BMPR1A: variants seen among roughly 807,000 people sequenced by gnomAD.
The protein encoded by BMPR1A is bone morphogenetic protein receptor type 1A, also known as bone morphogenetic protein receptor type-1A.
A neutral mutation model predicts 66.0 loss-of-function variants in BMPR1A; 7 were observed. The ratio of observed to expected loss-of-function variants is 0.11; its 90% CI spans 0.06 to 0.20. The LOEUF (loss-of-function observed/expected upper bound fraction) is 0.20. Among genes scored for constraint, BMPR1A ranks in the 10% least tolerant of loss-of-function variants. The pLI is 1.00. For synonymous variants in BMPR1A, 200 were observed against 229.7 expected (o/e 0.87, Z 1.17); for missense variants, 408 against 669.1 (o/e 0.61, Z 4.31).
At chr10:86,794,916 A>G (rs1456001367) in intron 1 of BMPR1A, among the ~76,000 whole-genome samples, 1 of 151,480 alleles carries the variant, frequency 6.6e-6, no homozygotes, top group Non-Finnish European at 1.5e-5. Context: ...CAATGGTGCC[A>G]TCTTGACTCA....
intron 1 of BMPR1A, among the ~76,000 whole-genome samples, chr10:86,833,861 G>T (rs749067350): frequency 2.0e-5 from 3 of 152,110 alleles, no homozygotes; most frequent in East Asian, 3.8e-4. Flanking sequence ...AACAGTAAAA[G>T]AATTTAATAT....
At chr10:86,801,080 AC>A (rs1439299536) in intron 1 of BMPR1A, among the ~76,000 whole-genome samples, 15 of 152,360 alleles carry the variant, frequency 9.8e-5, no homozygotes, top group Admixed American at 3.9e-4. Flanking sequence ...GACAATGTGT[AC>A]TAAAATGCTG....
At chr10:86,900,771 C>A (rs1843297558) in intron 7 of BMPR1A, among the ~76,000 whole-genome samples, 1 of 152,152 alleles carries the variant, frequency 6.6e-6, no homozygotes, top group Non-Finnish European at 1.5e-5. Context: ...TGTTTTGGGT[C>A]TTTCTAGATA....
intron 2 of BMPR1A, among the ~76,000 whole-genome samples, chr10:86,862,055 T>C (rs562360486): frequency 1.3e-5 from 2 of 152,298 alleles, no homozygotes; most frequent in South Asian, 2.1e-4. Flanking sequence ...GCTAAAAATA[T>C]AAAGTGAGTG....
chr10:86,791,715 TCCTTCCTTCCTTCCTTCCCTCCCTCCCTC>T (rs1841627024), intron 1 of BMPR1A, among the ~76,000 whole-genome samples: 3 of 37,698 alleles, frequency 8.0e-5, no homozygotes, highest in East Asian at 2.8e-3. Context: ...CTCCCTCCCT[TCCTTCCTTCCTTCCTTCCCTCCCTCCCTC>T]CCTCTTGCTC....
chr10:86,877,330 C>T (rs369677833), intron 3 of BMPR1A, among the ~76,000 whole-genome samples: 2 of 151,828 alleles, frequency 1.3e-5, no homozygotes, highest in African/African-American at 2.4e-5. Context: ...GCCTCAGCCT[C>T]CCGAGTAGCT....
At chr10:86,889,873 G>C in intron 3 of BMPR1A, 189 bp from the exon 4 acceptor site, 1 of 654,256 alleles carries the variant, frequency 1.5e-6, no homozygotes, top group Non-Finnish European at 2.6e-6. Flanking sequence ...CGCAATACCT[G>C]GTGCAGTAAT....
At chr10:86,893,939 A>C (rs190732129) in intron 5 of BMPR1A, among the ~76,000 whole-genome samples, 335 of 152,304 alleles carry the variant, frequency 2.2e-3, no homozygotes, top group African/African-American at 7.7e-3. Context: ...AACAAACCTA[A>C]TCTCTCTTTA....
chr10:86,824,083 G>T (rs1184872109), intron 1 of BMPR1A, among the ~76,000 whole-genome samples: 2 of 125,562 alleles, frequency 1.6e-5, no homozygotes, highest in African/African-American at 3.8e-5. Flanking sequence ...ACCAAGGGTT[G>T]TGTGTGTGTG....
At chr10:86,779,570 A>G (rs1426866762) in intron 1 of BMPR1A, among the ~76,000 whole-genome samples, 1 of 151,852 alleles carries the variant, frequency 6.6e-6, no homozygotes, top group African/African-American at 2.4e-5. Context: ...TGTGGTTTTG[A>G]TTTGCATTTC....
intron 7 of BMPR1A, among the ~76,000 whole-genome samples, chr10:86,900,519 GAAGAGTAAT>G (rs911059053): frequency 1.3e-5 from 2 of 150,904 alleles, no homozygotes; most frequent in African/African-American, 4.9e-5. Context: ...TGCCAAAAAA[GAAGAGTAAT>G]AAGAGACAGT....
intron 1 of BMPR1A, among the ~76,000 whole-genome samples, chr10:86,818,529 A>C (rs1485287253): frequency 6.6e-6 from 1 of 152,222 alleles, no homozygotes; most frequent in Non-Finnish European, 1.5e-5. Context: ...TAAAATTTAT[A>C]AAGTGAATGG....
chr10:86,854,310 A>G (rs1232522944), intron 2 of BMPR1A, among the ~76,000 whole-genome samples: 1 of 152,158 alleles, frequency 6.6e-6, no homozygotes, highest in African/African-American at 2.4e-5. Flanking sequence ...GTGCTCTACA[A>G]TTTGTGCAGT....
intron 2 of BMPR1A, among the ~76,000 whole-genome samples, chr10:86,840,790 C>T (rs1450375685): frequency 6.6e-6 from 1 of 152,156 alleles, no homozygotes; most frequent in Non-Finnish European, 1.5e-5. Context: ...TTTCGGATTC[C>T]TCATCATTTG....
At chr10:86,756,359 C>G (rs867742132), upstream of BMPR1A, 2 of 152,072 alleles carry the variant, frequency 1.3e-5, no homozygotes, top group South Asian at 2.1e-4. Flanking sequence ...GACTCCCGCC[C>G]GCACCAGCAG....
intron 1 of BMPR1A, among the ~76,000 whole-genome samples, chr10:86,762,915 GAGACGGAGTCT>G (rs562943803): frequency 3.9e-5 from 6 of 152,132 alleles, no homozygotes; most frequent in Middle Eastern, 3.4e-3. Flanking sequence ...TTATTTATTT[GAGACGGAGTCT>G]CACTCTGTCG....
At chr10:86,798,731 T>C (rs1841762172) in intron 1 of BMPR1A, among the ~76,000 whole-genome samples, 1 of 152,254 alleles carries the variant, frequency 6.6e-6, no homozygotes, top group African/African-American at 2.4e-5. Flanking sequence ...GTCTTTTTAC[T>C]TAAACACCTT....
At chr10:86,768,864 C>T (rs371474673) in intron 1 of BMPR1A, among the ~76,000 whole-genome samples, 2 of 152,158 alleles carry the variant, frequency 1.3e-5, no homozygotes, top group East Asian at 3.8e-4. Flanking sequence ...TAATAATGGT[C>T]CTCTCTCTCA....
At chr10:86,866,405 T>TTTTTTCTTTTTC (rs1221941812) in intron 2 of BMPR1A, among the ~76,000 whole-genome samples, 1 of 105,552 alleles carries the variant, frequency 9.5e-6, no homozygotes, top group African/African-American at 4.8e-5. Flanking sequence ...CTTTCTTTTT[T>TTTTTTCTTTTTC]TTTTTTTTTT....
Sources: gnomAD v4.1 joint callset for allele counts (sites outside exome capture counted in the v4.1 genomes callset) on GRCh38, gnomAD v4.1.1 for gene constraint, MANE v1.5 for transcripts, NCBI Gene and HGNC (gene_info 2026-07-23, HGNC 2026-07-21) for gene names.